RXRA: variants seen among roughly 807,000 people sequenced by gnomAD.
RXRA encodes the protein retinoic acid receptor RXR-alpha.
In RXRA, 5 loss-of-function variants were observed where a neutral mutation model predicts 44.5. The ratio of observed to expected loss-of-function variants is 0.11; its 90% CI spans 0.06 to 0.24. RXRA has a LOEUF of 0.24. RXRA is among the 10% of genes least tolerant of loss of function. RXRA has a pLI of 1.00. For missense variants in RXRA, 412 were observed against 646.5 expected (o/e 0.64, Z 3.93); for synonymous variants, 291 against 271.4 (o/e 1.07, Z -0.71).
chr9:134,380,802 C>T (rs1036532402), intron 1 of RXRA, among the ~76,000 whole-genome samples: 2 of 152,138 alleles, frequency 1.3e-5, no homozygotes, highest in African/African-American at 4.8e-5. Context: ...GAAAGGCCTC[C>T]TCCAGAATCC....
chr9:134,332,314 G>A (rs533676625), intron 1 of RXRA, among the ~76,000 whole-genome samples: 2 of 152,290 alleles, frequency 1.3e-5, no homozygotes, highest in South Asian at 2.1e-4. Context: ...CCAGGGCAGG[G>A]CAGGGTAGGG....
At chr9:134,345,996 AC>A (rs1554748732) in intron 1 of RXRA, among the ~76,000 whole-genome samples, 1 of 152,066 alleles carries the variant, frequency 6.6e-6, no homozygotes, top group African/African-American at 2.4e-5. Flanking sequence ...TGTGCGTCTT[AC>A]GGTGTTCATA....
Position 134,431,890 on chromosome 9 carries a change from C to A in RXRA, c.1044-15C>A, listed in dbSNP as rs763563966. On this transcript the variant is annotated splice_polypyrimidine_tract_variant and intron_variant, in intron 7 of 9. Coordinates refer to ENST00000481739, the MANE Select transcript of RXRA (RefSeq NM_002957.6). ...GACCTAACTGGGATGGGGTGTCTGC[C>A]CTCCTCCTCTGCAGGGTGCTGACGG... is the stretch of plus-strand genomic sequence containing the variant. 30 of 1,603,582 alleles carry A rather than the reference C, an allele frequency of 1.9e-5. No homozygotes were observed. The highest frequency in any genetic ancestry group is 2.4e-5 in the Non-Finnish European group (28 of 1,171,226).
chr9:134,364,507 C>T (rs1011705091), intron 1 of RXRA, among the ~76,000 whole-genome samples: 2 of 152,250 alleles, frequency 1.3e-5, no homozygotes, highest in African/African-American at 2.4e-5. Context: ...CCAGCAGCCA[C>T]CAGAGGGCAG....
rs1215895695 is a variant in RXRA at position 134,440,306 on chromosome 9, C to T, written c.*3692C>T. 6.6e-6 allele frequency: 1 copy of T among 152,206 alleles called. No individual in the cohort carries two copies. Among genetic ancestry groups the T allele is most frequent in the Non-Finnish European group, 1.5e-5 (1 of 68,010 alleles). 9.4% of individuals were successfully genotyped at this position (152,206 alleles called of 1,614,324 possible). On this transcript the variant is annotated 3_prime_UTR_variant, in exon 10 of 10. Transcript: ENST00000481739. Reference sequence around the variant, plus strand: ...AACCGCCGCAATGGGGGTGTCTTCCCTCGGGGCAGGAGGGTGGGCCTGAGG... The same window carrying T: ...AACCGCCGCAATGGGGGTGTCTTCCTTCGGGGCAGGAGGGTGGGCCTGAGG...
At chr9:134,329,730 G>A (rs1437208843) in intron 1 of RXRA, among the ~76,000 whole-genome samples, 1 of 152,224 alleles carries the variant, frequency 6.6e-6, no homozygotes, top group Non-Finnish European at 1.5e-5. Flanking sequence ...GGCCTGTGGG[G>A]GGCTCACCTC....
At chr9:134,393,616 G>C (rs1164440655) in intron 1 of RXRA, among the ~76,000 whole-genome samples, 1 of 152,214 alleles carries the variant, frequency 6.6e-6, no homozygotes, top group Non-Finnish European at 1.5e-5. Flanking sequence ...GAGGCCTGTG[G>C]CCGCAGCTCC....
intron 7 of RXRA, among the ~76,000 whole-genome samples, chr9:134,429,828 C>G (rs1328569891): frequency 6.6e-6 from 1 of 152,148 alleles, no homozygotes; most frequent in Admixed American, 6.5e-5. Flanking sequence ...TCCTGGAGTG[C>G]TGGCCAACTC....
rs35961558 is a variant in RXRA at position 134,426,065 on chromosome 9, C to T, written c.911-3043C>T. ...GGCCCTGAGCGTTTGGGCAGGGCCA[C>T]GAGGGATCTGCAGGAGTAAGTTCCT... On this transcript the variant is annotated intron_variant, in intron 6 of 9. Transcript: ENST00000481739. The surrounding 1 kb of genome is among the most constrained non-coding windows in gnomAD (Gnocchi z 4.6). 12 of 985,260 alleles carry T rather than the reference C, an allele frequency of 1.2e-5. No homozygotes were observed. The Admixed American group carries it at 3.1e-4, about 25-fold the overall frequency. 61.0% of individuals were successfully genotyped at this position (985,260 alleles called of 1,614,324 possible).
intron 1 of RXRA, chr9:134,380,063 C>T (rs1830618888): frequency 1.0e-6 from 1 of 985,294 alleles, no homozygotes. Flanking sequence ...TCTTCCTGCC[C>T]TCTCCCCTGC....
intron 1 of RXRA, among the ~76,000 whole-genome samples, chr9:134,328,767 G>A (rs1834955319): frequency 6.6e-6 from 1 of 152,152 alleles, no homozygotes; most frequent in African/African-American, 2.4e-5. Flanking sequence ...TGGAGCTGCT[G>A]GGGAGACTCG....
At chr9:134,393,301 A>G (rs1204095063) in intron 1 of RXRA, among the ~76,000 whole-genome samples, 3 of 152,200 alleles carry the variant, frequency 2.0e-5, no homozygotes, top group Non-Finnish European at 4.4e-5. Context: ...GGGTCTGTCA[A>G]GAGTTTGGCC....
Position 134,343,934 on chromosome 9 carries a change from G to GTGGGCATCTCCCCA in RXRA, c.28+17277_28+17290dup, listed in dbSNP as rs1379147520. ...GCCCTCGTGGCCCTACCACAGTGGGGTGGGCATCTCCCCATAGGCCCTCCC... is the reference window on the plus strand; with the variant it reads ...GCCCTCGTGGCCCTACCACAGTGGGGTGGGCATCTCCCCATGGGCATCTCCCCATAGGCCCTCCC... On this transcript the variant is annotated intron_variant, in intron 1 of 9. Coordinates refer to ENST00000481739, the MANE Select transcript of RXRA (RefSeq NM_002957.6). This position sits in a 1 kb window ranked among gnomAD's most constrained non-coding sequence, Gnocchi z 4.1. Among the ~76,000 whole-genome samples the GTGGGCATCTCCCCA allele has an allele frequency of 6.6e-6, 1 of 152,162 alleles. No individual in the cohort carries two copies. Among genetic ancestry groups the GTGGGCATCTCCCCA allele is most frequent in the African/African-American group, 2.4e-5 (1 of 41,438 alleles).
chr9:134,429,492 A>G (rs1025414119), intron 7 of RXRA, among the ~76,000 whole-genome samples: 22 of 152,276 alleles, frequency 1.4e-4, no homozygotes, highest in Admixed American at 1.4e-3. Flanking sequence ...TCACGATCCC[A>G]TGTATTTATC....
At chr9:134,356,835 G>C (rs527603242) in intron 1 of RXRA, among the ~76,000 whole-genome samples, 3 of 152,192 alleles carry the variant, frequency 2.0e-5, no homozygotes, top group Non-Finnish European at 2.9e-5. Context: ...CCCTGCCCCA[G>C]CCTCACCCTG....
At chr9:134,375,446 T>G (rs1043505510) in intron 1 of RXRA, among the ~76,000 whole-genome samples, 9 of 152,268 alleles carry the variant, frequency 5.9e-5, no homozygotes, top group African/African-American at 2.2e-4. Context: ...GGGTGGGCTG[T>G]GGACACTGTG....
chr9:134,377,192 C>T (rs1238125372), intron 1 of RXRA, among the ~76,000 whole-genome samples: 1 of 152,348 alleles, frequency 6.6e-6, no homozygotes, highest in East Asian at 1.9e-4. Flanking sequence ...TGTCTGTGCT[C>T]CGCTTTCATT....
chr9:134,368,312 CTT>C, intron 1 of RXRA, among the ~76,000 whole-genome samples: 1 of 152,222 alleles, frequency 6.6e-6, no homozygotes, highest in African/African-American at 2.4e-5. Context: ...GTCCAGTGGG[CTT>C]GAGGCCCCCT....
intron 1 of RXRA, among the ~76,000 whole-genome samples, chr9:134,333,641 A>G (rs1554746951): frequency 6.6e-6 from 1 of 152,190 alleles, no homozygotes; most frequent in Non-Finnish European, 1.5e-5. Flanking sequence ...TACTGATTCA[A>G]CAGGCTTCCT....
Sources: gnomAD v4.1 joint callset for allele counts (sites outside exome capture counted in the v4.1 genomes callset) on GRCh38, gnomAD v4.1.1 for gene constraint, Gnocchi (gnomAD v3.1) non-coding constraint, MANE v1.5 for transcripts, NCBI Gene and HGNC (gene_info 2026-07-23, HGNC 2026-07-21) for gene names.